MAPKAP1: variants seen among roughly 807,000 people sequenced by gnomAD.
MAPKAP1 encodes the protein target of rapamycin complex 2 subunit MAPKAP1.
MAPKAP1 carries 20 observed loss-of-function variants against 65.7 expected under a neutral mutation model. The observed-to-expected ratio is 0.30, with a 90% CI of 0.21 to 0.44. The LOEUF (loss-of-function observed/expected upper bound fraction) is 0.44. MAPKAP1 is among the 20% of genes least tolerant of loss of function. The pLI, the probability that MAPKAP1 is intolerant of heterozygous loss-of-function variation, is 1.00. For missense variants in MAPKAP1, 423 were observed against 648.0 expected (o/e 0.65, Z 3.77); for synonymous variants, 222 against 244.3 (o/e 0.91, Z 0.85).
chr9:125,575,252 C>T (rs906154607), intron 5 of MAPKAP1, among the ~76,000 whole-genome samples: 5 of 152,010 alleles, frequency 3.3e-5, no homozygotes, highest in Admixed American at 2.6e-4. Flanking sequence ...GTTCTAGCTA[C>T]TTGGGAGGCA....
intron 1 of MAPKAP1, among the ~76,000 whole-genome samples, chr9:125,694,636 T>C (rs1412166767): frequency 6.6e-6 from 1 of 152,200 alleles, no homozygotes; most frequent in South Asian, 2.1e-4. Context: ...ACACACTTTA[T>C]AGAAACCGTG....
chr9:125,557,572 C>T (rs973890908), intron 6 of MAPKAP1, among the ~76,000 whole-genome samples: 15 of 152,126 alleles, frequency 9.9e-5, no homozygotes, highest in African/African-American at 3.4e-4. Context: ...ATCCTACTTA[C>T]AAGGCATGAT....
In MAPKAP1 at chr9:125,655,031, T is replaced by G. The variant is rs150993581; in HGVS notation, c.498+2620A>C. On this transcript the variant is annotated intron_variant, in intron 4 of 11. Transcript: ENST00000265960. ...AATTATGTAAATAAGGCAAGAGTTA[T>G]TCCCAAGAAAAGCATTGTGAATATT... Among the ~76,000 whole-genome samples the G allele has an allele frequency of 7.9e-4, 120 of 152,316 alleles. 1 individual carries two copies. The East Asian group carries it at 0.019, about 25-fold the overall frequency.
At chr9:125,626,571 C>T (rs6478708) in intron 4 of MAPKAP1, among the ~76,000 whole-genome samples, 7,335 of 152,278 alleles carry the variant, frequency 0.048, 382 homozygotes, top group African/African-American at 0.13. Context: ...ATTTCAAGTA[C>T]TCAACAGCCA....
intron 8 of MAPKAP1, among the ~76,000 whole-genome samples, chr9:125,501,102 G>A (rs1828968689): frequency 6.6e-6 from 1 of 152,132 alleles, no homozygotes; most frequent in South Asian, 2.1e-4. Context: ...TATCTATGTA[G>A]ACTTGCCCTT....
At chr9:125,621,437 T>C (rs1304460941) in intron 4 of MAPKAP1, among the ~76,000 whole-genome samples, 1 of 152,166 alleles carries the variant, frequency 6.6e-6, no homozygotes, top group Non-Finnish European at 1.5e-5. Context: ...ACAGAGAATT[T>C]TCCATATCTG....
intron 1 of MAPKAP1, among the ~76,000 whole-genome samples, chr9:125,693,580 T>C (rs13296765): frequency 0.29 from 42,715 of 148,292 alleles, 7,557 homozygotes; most frequent in Non-Finnish European, 0.39. Context: ...TACACACACA[T>C]ATATACACGT....
intron 1 of MAPKAP1, among the ~76,000 whole-genome samples, chr9:125,677,383 G>A (rs538402742): frequency 2.0e-4 from 30 of 151,788 alleles, no homozygotes; most frequent in Non-Finnish European, 3.8e-4. Flanking sequence ...CCTCAGCAAC[G>A]GAGCAAGACT....
intron 4 of MAPKAP1, among the ~76,000 whole-genome samples, chr9:125,610,718 A>G (rs1589338857): frequency 1.3e-5 from 2 of 152,238 alleles, no homozygotes; most frequent in Admixed American, 6.5e-5. Context: ...CCTTCATATG[A>G]AATTTCTATC....
chr9:125,633,188 G>A (rs752195572), intron 4 of MAPKAP1, among the ~76,000 whole-genome samples: 1 of 152,248 alleles, frequency 6.6e-6, no homozygotes, highest in Non-Finnish European at 1.5e-5. Context: ...ATTTAAGGAA[G>A]ATTTCAATGC....
At chr9:125,584,556 A>C (rs964288247) in intron 5 of MAPKAP1, among the ~76,000 whole-genome samples, 5 of 152,038 alleles carry the variant, frequency 3.3e-5, no homozygotes, top group African/African-American at 1.2e-4. Flanking sequence ...CCTCCTGAGT[A>C]GCTGGGATTA....
At chr9:125,634,635 T>G (rs1405946449) in intron 4 of MAPKAP1, among the ~76,000 whole-genome samples, 2 of 152,222 alleles carry the variant, frequency 1.3e-5, no homozygotes, top group African/African-American at 4.8e-5. Flanking sequence ...GAACCCATTT[T>G]CTGTGGGCAA....
At position 125,444,795 on chromosome 9, in the gene MAPKAP1, C is replaced by T. The variant is rs1339295059; in HGVS notation, c.1346-197G>A. Reference sequence around the variant, plus strand: ...CAATGAAAAAATTTTAAAGACTCAACAGCCAGTTAGGTCCCATTCCACTCT... The same window carrying T: ...CAATGAAAAAATTTTAAAGACTCAATAGCCAGTTAGGTCCCATTCCACTCT... On this transcript the variant is annotated intron_variant, in intron 10 of 11. Coordinates refer to ENST00000265960, the MANE Select transcript of MAPKAP1 (RefSeq NM_001006617.3). Among the ~76,000 whole-genome samples the T allele has an allele frequency of 3.3e-5, 5 of 152,140 alleles. No homozygotes were observed. The East Asian group carries it at 9.6e-4, about 29-fold the overall frequency.
At position 125,437,409 on chromosome 9, in the gene MAPKAP1, CTTT is replaced by C. The variant is rs1369854367; in HGVS notation, c.*1475_*1477del. 6.6e-6 allele frequency: 1 copy of C among 152,370 alleles called. No homozygotes were observed. The highest frequency in any genetic ancestry group is 2.4e-5 in the African/African-American group (1 of 41,440). The allele number at this position is 152,370 out of a possible 1,614,324, so 9.4% of individuals were successfully genotyped here. ...TATGCAAAAGTGTGTATTTATATGA[CTTT>C]TATTTTAATATCATTTTAATATCGA... On this transcript the variant is annotated 3_prime_UTR_variant, in exon 12 of 12. Transcript: ENST00000265960.
intron 4 of MAPKAP1, among the ~76,000 whole-genome samples, chr9:125,648,076 A>C (rs1376288611): frequency 6.6e-6 from 1 of 152,194 alleles, no homozygotes; most frequent in African/African-American, 2.4e-5. Context: ...TTTGTTTTTA[A>C]ATTTTAAAAA....
At chr9:125,587,340 G>A (rs1310328481) in intron 4 of MAPKAP1, among the ~76,000 whole-genome samples, 4 of 152,108 alleles carry the variant, frequency 2.6e-5, no homozygotes, top group Non-Finnish European at 5.9e-5. Flanking sequence ...CCAAGGCAGG[G>A]AGATCACTTG....
intron 7 of MAPKAP1, among the ~76,000 whole-genome samples, chr9:125,513,821 C>T (rs1829380544): frequency 6.6e-6 from 1 of 152,194 alleles, no homozygotes; most frequent in South Asian, 2.1e-4. Flanking sequence ...AGTCTGTGCT[C>T]TTTCCCTCGT....
At chr9:125,536,905 C>T (rs1830089710) in intron 7 of MAPKAP1, among the ~76,000 whole-genome samples, 1 of 152,144 alleles carries the variant, frequency 6.6e-6, no homozygotes, top group Non-Finnish European at 1.5e-5. Context: ...GAAAGCTAGA[C>T]ATAAAACATT....
chr9:125,631,769 C>T (rs1833289540), intron 4 of MAPKAP1, among the ~76,000 whole-genome samples: 2 of 152,192 alleles, frequency 1.3e-5, no homozygotes. Flanking sequence ...TTACCAGCAT[C>T]TCTCACCTCA....
Sources: gnomAD v4.1 joint callset for allele counts (sites outside exome capture counted in the v4.1 genomes callset) on GRCh38, gnomAD v4.1.1 for gene constraint, MANE v1.5 for transcripts, NCBI Gene and HGNC (gene_info 2026-07-23, HGNC 2026-07-21) for gene names.